The following SRD5A1 variants were observed in gnomAD, a reference collection of about 807,000 sequenced individuals.
SRD5A1 encodes 3-oxo-5-alpha-steroid 4-dehydrogenase 1.
Under a neutral mutation model 28.2 loss-of-function variants are expected in SRD5A1, and 22 were observed. The ratio of observed to expected loss-of-function variants is 0.78; its 90% CI spans 0.56 to 1.12. The LOEUF (loss-of-function observed/expected upper bound fraction) is 1.12, where lower values mean the gene tolerates loss of function less well. Among genes scored for constraint, SRD5A1 ranks in the 50% most tolerant of loss-of-function variants. The pLI is 0.00. For missense variants in SRD5A1, 300 were observed against 346.7 expected, an observed-to-expected ratio of 0.87 and a Z score of 1.07; for synonymous variants, 151 against 135.0, an observed-to-expected ratio of 1.12 and a Z score of -0.82.
intron 3 of SRD5A1, among the ~76,000 whole-genome samples, chr5:6,657,597 G>A (rs962773270): frequency 1.3e-5 from 2 of 152,234 alleles, no homozygotes; most frequent in Admixed American, 1.3e-4. Flanking sequence ...GAAGGGACAG[G>A]GCACAGTCCT....
At chr5:6,639,797 G>T (rs907154444) in intron 1 of SRD5A1, among the ~76,000 whole-genome samples, 23 of 152,276 alleles carry the variant, frequency 1.5e-4, no homozygotes, top group African/African-American at 4.3e-4. Context: ...AAACTTACAG[G>T]TGAAATACAT....
At chr5:6,648,562 T>C (rs1009435217) in intron 1 of SRD5A1, among the ~76,000 whole-genome samples, 19 of 152,262 alleles carry the variant, frequency 1.2e-4, no homozygotes, top group Non-Finnish European at 2.6e-4. Context: ...TGGCTATTGA[T>C]ACTTGTGTAT....
chr5:6,651,076 C>A (rs1477977391), intron 1 of SRD5A1, among the ~76,000 whole-genome samples: 1 of 151,884 alleles, frequency 6.6e-6, no homozygotes, highest in Non-Finnish European at 1.5e-5. Flanking sequence ...GTTAGCTGAG[C>A]TGGGGGCAAG....
chr5:6,674,235 C>T lies in SRD5A1; in HGVS notation c.*5967C>T, dbSNP rs952111952. 2.0e-5 allele frequency: 3 copies of T among 151,984 alleles called. No individual in the cohort carries two copies. Among genetic ancestry groups the T allele is most frequent in the African/African-American group, 7.3e-5 (3 of 41,370 alleles). The allele number at this position is 151,984 out of a possible 1,614,324, so 9.4% of individuals were successfully genotyped here. On this transcript the variant is annotated 3_prime_UTR_variant, in exon 5 of 5. Coordinates refer to ENST00000274192, the MANE Select transcript of SRD5A1 (RefSeq NM_001047.4). ...ATTATGTTAATATCATCAACTGTAACTAGTGTACAACACTAATGCAAGATG... is the reference window on the plus strand; with the variant it reads ...ATTATGTTAATATCATCAACTGTAATTAGTGTACAACACTAATGCAAGATG...
At chr5:6,653,430 C>T (rs1420239817) in intron 2 of SRD5A1, 1 of 152,230 alleles carries the variant, frequency 6.6e-6, no homozygotes, top group East Asian at 1.9e-4. Flanking sequence ...TTATTTTCTT[C>T]TGCCCTACCT....
At chr5:6,649,218 G>A (rs1738594372) in intron 1 of SRD5A1, among the ~76,000 whole-genome samples, 1 of 152,172 alleles carries the variant, frequency 6.6e-6, no homozygotes, top group Non-Finnish European at 1.5e-5. Context: ...ACCCACTTGA[G>A]GAGGTTGTCC....
intron 4 of SRD5A1, among the ~76,000 whole-genome samples, chr5:6,666,665 T>TTATTTC (rs1156851318): frequency 6.6e-6 from 1 of 152,186 alleles, no homozygotes; most frequent in African/African-American, 2.4e-5. Context: ...AATAAATATT[T>TTATTTC]TATTTCTATA....
At chr5:6,663,349 G>A (rs533177514) in intron 4 of SRD5A1, among the ~76,000 whole-genome samples, 16 of 152,344 alleles carry the variant, frequency 1.1e-4, no homozygotes, top group African/African-American at 3.1e-4. Flanking sequence ...GAAGAGGTAG[G>A]TGAATCTCAG....
At chr5:6,656,533 T>A (rs1421856125) in intron 3 of SRD5A1, among the ~76,000 whole-genome samples, 1 of 152,176 alleles carries the variant, frequency 6.6e-6, no homozygotes, top group Non-Finnish European at 1.5e-5. Flanking sequence ...TTTAAAACAT[T>A]GGAATATTTT....
At chr5:6,661,065 G>A (rs900834435) in intron 3 of SRD5A1, among the ~76,000 whole-genome samples, 4 of 152,118 alleles carry the variant, frequency 2.6e-5, no homozygotes, top group African/African-American at 9.7e-5. Context: ...ATGAGATTGG[G>A]TGGGGACACA....
At chr5:6,658,123 G>A (rs542764131) in intron 3 of SRD5A1, among the ~76,000 whole-genome samples, 101 of 152,236 alleles carry the variant, frequency 6.6e-4, no homozygotes, top group South Asian at 2.1e-3. Flanking sequence ...TCCAGAGTTC[G>A]AGACCAACCT....
intron 1 of SRD5A1, among the ~76,000 whole-genome samples, chr5:6,648,372 T>C (rs994938037): frequency 4.7e-4 from 71 of 152,336 alleles, no homozygotes; most frequent in African/African-American, 1.6e-3. Context: ...CTGAAGAGTG[T>C]TTTCCAACTT....
At chr5:6,645,412 G>C (rs1186791048) in intron 1 of SRD5A1, 2 of 166,456 alleles carry the variant, frequency 1.2e-5, no homozygotes, top group African/African-American at 4.8e-5. Flanking sequence ...GGTAGAGGCA[G>C]GTGGATCACC....
chr5:6,640,866 T>G (rs1487363661), intron 1 of SRD5A1, among the ~76,000 whole-genome samples: 1 of 152,248 alleles, frequency 6.6e-6, no homozygotes, highest in Non-Finnish European at 1.5e-5. Context: ...AACATCCTTT[T>G]TAATCCAAGT....
At chr5:6,664,018 G>A (rs1443109910) in intron 4 of SRD5A1, among the ~76,000 whole-genome samples, 1 of 152,120 alleles carries the variant, frequency 6.6e-6, no homozygotes, top group Non-Finnish European at 1.5e-5. Flanking sequence ...GAGATCTCAG[G>A]AGCAACGTGG....
At chr5:6,645,187 C>G (rs1311591604) in intron 1 of SRD5A1, 3 of 349,418 alleles carry the variant, frequency 8.6e-6, no homozygotes, top group Non-Finnish European at 1.7e-5. Context: ...CATGACACTA[C>G]TATTATGTGA....
Position 6,672,677 on chromosome 5 carries a change from G to A in SRD5A1, c.*4409G>A, listed in dbSNP as rs955160110. 6 of 152,198 alleles carry A rather than the reference G, an allele frequency of 3.9e-5. No homozygotes were observed. The highest frequency in any genetic ancestry group is 1.4e-4 in the African/African-American group (6 of 41,440). The allele number at this position is 152,198 out of a possible 1,614,324, so 9.4% of individuals were successfully genotyped here. ...CTGTAAACTTCTCAAGGTGAGGAGT[G>A]AGCCATCACTCTTTGCACCTCTTGC... On this transcript the variant is annotated 3_prime_UTR_variant, in exon 5 of 5. Transcript: ENST00000274192.
chr5:6,640,643 C>T (rs1467250469), intron 1 of SRD5A1, among the ~76,000 whole-genome samples: 1 of 151,886 alleles, frequency 6.6e-6, no homozygotes, highest in Non-Finnish European at 1.5e-5. Context: ...GTGGGATTAC[C>T]ACCACACCAG....
chr5:6,646,226 T>G (rs1454804571), intron 1 of SRD5A1, among the ~76,000 whole-genome samples: 1 of 152,264 alleles, frequency 6.6e-6, no homozygotes, highest in Non-Finnish European at 1.5e-5. Context: ...TGCCACATTT[T>G]CTTTATCCAG....
Sources: gnomAD v4.1 joint callset for allele counts (sites outside exome capture counted in the v4.1 genomes callset) on GRCh38, gnomAD v4.1.1 for gene constraint, MANE v1.5 for transcripts, NCBI Gene and HGNC (gene_info 2026-07-23, HGNC 2026-07-21) for gene names.